Variants in HDAC5 observed in about 807,000 individuals in gnomAD.
HDAC5 encodes the protein histone deacetylase 5.
In HDAC5, 25 loss-of-function variants were observed where a neutral mutation model predicts 133.3. The observed-to-expected ratio is 0.19, with a 90% confidence interval of 0.14 to 0.26. HDAC5 has a LOEUF of 0.26. Among genes scored for constraint, HDAC5 ranks in the 10% least tolerant of loss-of-function variants. The pLI, the probability that HDAC5 is intolerant of heterozygous loss-of-function variation, is 1.00. For missense variants in HDAC5, 1,041 were observed against 1,460.5 expected (o/e 0.71, Z 4.68); for synonymous variants, 589 against 610.8 (o/e 0.96, Z 0.53).
At chr17:44,095,468 G>A (rs1344679239) in intron 3 of HDAC5, among the ~76,000 whole-genome samples, 2 of 151,918 alleles carry the variant, frequency 1.3e-5, no homozygotes, top group Non-Finnish European at 2.9e-5. Flanking sequence ...CCCTTCTGGG[G>A]CCTCATCCCT....
intron 14 of HDAC5, 22 bp downstream of exon 14, chr17:44,086,550 C>T (rs2050658566): frequency 1.5e-6 from 2 of 1,295,076 alleles, no homozygotes; most frequent in Non-Finnish European, 2.0e-6. Context: ...GCAGAAGGAC[C>T]TAACAGTTGG....
At chr17:44,084,334 C>G (rs1597939896) in intron 16 of HDAC5, among the ~76,000 whole-genome samples, 1 of 152,194 alleles carries the variant, frequency 6.6e-6, no homozygotes, top group African/African-American at 2.4e-5. Context: ...GCAGTCCCCC[C>G]AACCGAGCAC....
intron 2 of HDAC5, chr17:44,115,850 A>C (rs1027475666): frequency 6.6e-6 from 1 of 152,230 alleles, no homozygotes; most frequent in African/African-American, 2.4e-5. Context: ...AGGCCCACTC[A>C]GGACGCCCCT....
chr17:44,105,809 C>T (rs1282940193), intron 3 of HDAC5, among the ~76,000 whole-genome samples: 1 of 152,182 alleles, frequency 6.6e-6, no homozygotes, highest in Non-Finnish European at 1.5e-5. Context: ...TCCAGGGATG[C>T]TGATGACATC....
At chr17:44,078,757 C>G (rs1159111281) in intron 25 of HDAC5, 38 bp downstream of exon 25, 1 of 1,612,240 alleles carries the variant, frequency 6.2e-7, no homozygotes, top group African/African-American at 1.3e-5. Context: ...CTCCGTGCCC[C>G]CTTGGCAGCC....
chr17:44,110,652 G>A (rs1247541774), intron 3 of HDAC5, 77 bp downstream of exon 3: 2 of 1,176,544 alleles, frequency 1.7e-6, no homozygotes, highest in African/African-American at 1.5e-5. Context: ...ATCTGTGCAA[G>A]GCTCAGGGCC....
chr17:44,097,715 G>C (rs1480400642), intron 3 of HDAC5, among the ~76,000 whole-genome samples: 1 of 152,248 alleles, frequency 6.6e-6, no homozygotes, highest in African/African-American at 2.4e-5. Context: ...GGGGTTGTAG[G>C]AGCCAGATTC....
At chr17:44,081,609 C>CG (rs1341849542) in intron 20 of HDAC5, 1 of 137,428 alleles carries the variant, frequency 7.3e-6, no homozygotes, top group Non-Finnish European at 1.5e-5. Flanking sequence ...GACAGAATCT[C>CG]ACTCTGTCAT....
intron 21 of HDAC5, 27 bp from the exon 22 acceptor site, chr17:44,080,525 A>G (rs763555960): frequency 1.2e-6 from 2 of 1,603,254 alleles, no homozygotes; most frequent in East Asian, 2.2e-5. Context: ...GGAGAGGGCT[A>G]TTCTCACCAC....
intron 3 of HDAC5, among the ~76,000 whole-genome samples, chr17:44,098,215 T>C (rs1296406906): frequency 6.6e-6 from 1 of 152,220 alleles, no homozygotes; most frequent in African/African-American, 2.4e-5. Context: ...CTGGCGGGCC[T>C]TGCACTCTCT....
chr17:44,088,294 T>C (rs1597953960), intron 12 of HDAC5, 93 bp downstream of exon 12: 1 of 1,482,858 alleles, frequency 6.7e-7, no homozygotes, highest in Non-Finnish European at 9.0e-7. Context: ...AGCCACCGTG[T>C]CTGGCCTGAA....
chr17:44,081,104 C>G (rs755756366), intron 20 of HDAC5, among the ~76,000 whole-genome samples: 9 of 152,170 alleles, frequency 5.9e-5, no homozygotes, highest in Non-Finnish European at 1.0e-4. Flanking sequence ...CTAACTAGGT[C>G]TGAGCCTCTG....
intron 3 of HDAC5, among the ~76,000 whole-genome samples, chr17:44,108,824 C>T (rs1215274543): frequency 2.0e-5 from 3 of 151,492 alleles, no homozygotes; most frequent in East Asian, 3.9e-4. Flanking sequence ...TCCCTAGCCG[C>T]GTCACAGACA....
At chr17:44,084,749 G>A in intron 15 of HDAC5, 74 bp from the exon 16 acceptor site, 1 of 1,555,958 alleles carries the variant, frequency 6.4e-7, no homozygotes, top group Non-Finnish European at 8.8e-7. Context: ...CATAGCCAGG[G>A]CACACAGAGC....
chr17:44,083,769 C>T (rs367757393), intron 17 of HDAC5, 36 bp downstream of exon 17: 14 of 1,588,864 alleles, frequency 8.8e-6, no homozygotes, highest in South Asian at 5.5e-5. Context: ...CTAGGAGAGC[C>T]GCCCGCCCAC....
intron 3 of HDAC5, among the ~76,000 whole-genome samples, chr17:44,095,376 A>G (rs901703589): frequency 6.6e-6 from 1 of 152,180 alleles, no homozygotes; most frequent in African/African-American, 2.4e-5. Flanking sequence ...TGAGGCACAG[A>G]GGTTGGTTCT....
intron 16 of HDAC5, among the ~76,000 whole-genome samples, chr17:44,084,339 G>A (rs1405962725): frequency 6.6e-6 from 1 of 152,148 alleles, no homozygotes; most frequent in African/African-American, 2.4e-5. Flanking sequence ...CCCCCCAACC[G>A]AGCACTTCCA....
At chr17:44,095,397 G>A (rs951760243) in intron 3 of HDAC5, among the ~76,000 whole-genome samples, 4 of 152,208 alleles carry the variant, frequency 2.6e-5, no homozygotes, top group African/African-American at 9.7e-5. Context: ...AGGACTGACA[G>A]TGCCCTTGGT....
At position 44,093,430 on chromosome 17, in the gene HDAC5, C is replaced by CGCTTGGCTGCCAGCATCTCCTGCTGCT; in HGVS notation, c.383_409dup (p.Gln128_Lys136dup). 170 of 1,602,622 alleles carry CGCTTGGCTGCCAGCATCTCCTGCTGCT rather than the reference C, an allele frequency of 1.1e-4. No individual in the cohort carries two copies. Among genetic ancestry groups the CGCTTGGCTGCCAGCATCTCCTGCTGCT allele is most frequent in the Admixed American group, 4.1e-4 (24 of 58,880 alleles). On this transcript the variant is annotated inframe_insertion, in exon 5 of 27. Transcript: ENST00000682912. ...CCGCTGCTGCTCCAGCTCCTGCTGC[C>CGCTTGGCTGCCAGCATCTCCTGCTGCT]GCTTGGCTGCCAGCATCTCCTGCTG...
Sources: gnomAD v4.1 joint callset for allele counts (sites outside exome capture counted in the v4.1 genomes callset) on GRCh38, gnomAD v4.1.1 for gene constraint, MANE v1.5 for transcripts, NCBI Gene and HGNC (gene_info 2026-07-23, HGNC 2026-07-21) for gene names.